The following DGCR8 variants were observed in gnomAD, a reference collection of about 807,000 sequenced individuals.
The protein encoded by DGCR8 is DGCR8 microprocessor complex subunit.
In DGCR8, 14 loss-of-function variants were observed where a neutral mutation model predicts 78.5. That is an observed-to-expected ratio of 0.18 (90% CI 0.12 to 0.28). The LOEUF (loss-of-function observed/expected upper bound fraction) is 0.28, where lower values mean the gene tolerates loss of function less well. Ranked by LOEUF, DGCR8 falls within the 10% of genes least tolerant of loss-of-function variation. The pLI, the probability that DGCR8 is intolerant of heterozygous loss-of-function variation, is 1.00. For synonymous variants in DGCR8, 399 were observed against 402.4 expected, an observed-to-expected ratio of 0.99 and a Z score of 0.10; for missense variants, 702 against 1,022.5, an observed-to-expected ratio of 0.69 and a Z score of 4.28.
At chr22:20,096,093 C>G (rs942377534) in intron 9 of DGCR8, among the ~76,000 whole-genome samples, 64 of 152,112 alleles carry the variant, frequency 4.2e-4, no homozygotes, top group Non-Finnish European at 7.1e-4. Context: ...CTATGCAGCC[C>G]GGTTCCTAAC....
chr22:20,107,079 A>G (rs1046489326), intron 11 of DGCR8, 192 bp from the exon 12 acceptor site: 2 of 628,684 alleles, frequency 3.2e-6, no homozygotes, highest in Non-Finnish European at 5.6e-6. Flanking sequence ...TCTGAGGGCC[A>G]CTCTCTCAAG....
At chr22:20,090,615 G>C (rs142961654) in intron 5 of DGCR8, among the ~76,000 whole-genome samples, 2 of 152,320 alleles carry the variant, frequency 1.3e-5, no homozygotes, top group East Asian at 3.9e-4. Flanking sequence ...GATTTGTCTT[G>C]ATGAGCTCAG....
In DGCR8 at chr22:20,080,241, C is replaced by T. The variant is rs2049400941; in HGVS notation, c.-420C>T. 1 of 965,446 alleles carries T rather than the reference C, an allele frequency of 1.0e-6. No individual in the cohort carries two copies. Among genetic ancestry groups the T allele is most frequent in the Non-Finnish European group, 1.2e-6 (1 of 813,904 alleles). 59.8% of individuals were successfully genotyped at this position (965,446 alleles called of 1,614,324 possible). A position where few individuals can be genotyped will look rare whatever the true frequency, so the allele number is the denominator to read the frequency against. Reference sequence around the variant, plus strand: ...TGGCCGCACGCCGCGAAGGCCCGCCCTCCGCTCGCCCGGCGCGGCAGGCGG... The same window carrying T: ...TGGCCGCACGCCGCGAAGGCCCGCCTTCCGCTCGCCCGGCGCGGCAGGCGG... On this transcript the variant is annotated 5_prime_UTR_variant, in exon 1 of 14. Transcript: ENST00000351989.
chr22:20,081,054 G>C lies in DGCR8; in HGVS notation c.-278+671G>C, dbSNP rs75239606. 5.9e-3 allele frequency among the ~76,000 whole-genome samples: 906 copies of C among 152,336 alleles called. 11 individuals carry two copies. The highest frequency in any genetic ancestry group is 0.02 in the African/African-American group (811 of 41,570). On this transcript the variant is annotated intron_variant, in intron 1 of 13. Coordinates refer to ENST00000351989, the MANE Select transcript of DGCR8 (RefSeq NM_022720.7). ...GTTTCCTGGCCAGACTAGACTCCCA[G>C]CTGTGGGAGTGGCCCAAACCCTGCT... is the stretch of plus-strand genomic sequence containing the variant.
chr22:20,100,501 G>A (rs937947114), intron 9 of DGCR8: 1 of 985,292 alleles, frequency 1.0e-6, no homozygotes, highest in Non-Finnish European at 1.2e-6. Context: ...AGACGATGGT[G>A]CCTGAGTTGT....
chr22:20,093,666 A>G (rs1359477246), intron 8 of DGCR8, among the ~76,000 whole-genome samples: 1 of 152,188 alleles, frequency 6.6e-6, no homozygotes, highest in Non-Finnish European at 1.5e-5. Context: ...CTCCCACTCC[A>G]TGTTTGGGCC....
chr22:20,110,467 CAT>C lies in DGCR8; in HGVS notation c.*360_*361del, dbSNP rs2049825991. On this transcript the variant is annotated 3_prime_UTR_variant, in exon 14 of 14. Transcript: ENST00000351989. ...TAGTATGTAATACGCACTGACGACA[CAT>C]GATGCTTGGATGACAGATGAGAGGG... The C allele has an allele frequency of 1.0e-5, 2 of 195,308 alleles. No individual in the cohort carries two copies. The highest frequency in any genetic ancestry group is 5.9e-5 in the Admixed American group (1 of 16,860). 12.1% of individuals were successfully genotyped at this position (195,308 alleles called of 1,614,324 possible). A position where few individuals can be genotyped will look rare whatever the true frequency, so the allele number is the denominator to read the frequency against.
chr22:20,088,715 G>A (rs932417418), intron 3 of DGCR8, among the ~76,000 whole-genome samples: 1 of 152,212 alleles, frequency 6.6e-6, no homozygotes, highest in Non-Finnish European at 1.5e-5. Flanking sequence ...CAGGGTCAGG[G>A]CCACTTGGTG....
intron 1 of DGCR8, 185 bp downstream of exon 1, chr22:20,080,568 C>G: frequency 5.1e-6 from 4 of 786,318 alleles, no homozygotes; most frequent in Non-Finnish European, 6.2e-6. Context: ...GGGACGCCTC[C>G]GGGGCTGGGG....
intron 9 of DGCR8, among the ~76,000 whole-genome samples, chr22:20,105,241 A>C (rs2049755802): frequency 6.6e-6 from 1 of 152,238 alleles, no homozygotes. Flanking sequence ...ATGCTGCCAT[A>C]GCCAAGGGAT....
rs572659290 is a variant in DGCR8, at chr22:20,107,177, G to A, written c.1997-94G>A. ...GTAGAATGTGCCCTGGCTGGCCCTC[G>A]GGGTGTGGGTCAGGAGGGCTGGGAG... On this transcript the variant is annotated intron_variant, in intron 11 of 13. Coordinates refer to ENST00000351989, the MANE Select transcript of DGCR8 (RefSeq NM_022720.7). 1.4e-4 allele frequency: 202 copies of A among 1,457,760 alleles called. No individual in the cohort carries two copies. In the Middle Eastern group the frequency reaches 1.4e-3, roughly 10 times the overall value. 90.3% of individuals were successfully genotyped at this position (1,457,760 alleles called of 1,614,324 possible).
At chr22:20,109,129 A>T (rs2049805163) in intron 13 of DGCR8, 126 bp downstream of exon 13, 2 of 612,946 alleles carry the variant, frequency 3.3e-6, no homozygotes, top group African/African-American at 3.7e-5. Flanking sequence ...CCTCCTTCCA[A>T]AATCAGATAC....
intron 8 of DGCR8, 45 bp downstream of exon 8, chr22:20,092,952 G>T: frequency 6.6e-7 from 1 of 1,516,610 alleles, no homozygotes; most frequent in Non-Finnish European, 9.1e-7. Flanking sequence ...TGCCTGCTGT[G>T]TCTGCCTCGC....
rs1602498660 is a variant in DGCR8 at position 20,108,544 on chromosome 22, G to A, written c.2125-346G>A. The A allele has an allele frequency of 1.1e-5, 3 of 267,588 alleles. No individual in the cohort carries two copies. In the South Asian group the frequency reaches 1.2e-4, roughly 11 times the overall value. 16.6% of individuals were successfully genotyped at this position (267,588 alleles called of 1,614,324 possible). Reference sequence around the variant, plus strand: ...GGGCTGCAGCGTGCTGTTCTTACTGGCTATGGCCACACTCTGGTTTCACTC... The same window carrying A: ...GGGCTGCAGCGTGCTGTTCTTACTGACTATGGCCACACTCTGGTTTCACTC... On this transcript the variant is annotated intron_variant, in intron 12 of 13. Transcript: ENST00000351989.
At chr22:20,106,125 A>G in intron 9 of DGCR8, 52 bp from the exon 10 acceptor site, 2 of 1,510,550 alleles carry the variant, frequency 1.3e-6, no homozygotes, top group East Asian at 2.3e-5. Context: ...CCCAGCCATG[A>G]AGAGGCCGGT....
intron 8 of DGCR8, among the ~76,000 whole-genome samples, chr22:20,094,329 T>C (rs1640297): frequency 0.45 from 68,400 of 152,112 alleles, 15,865 homozygotes; most frequent in Middle Eastern, 0.58. Flanking sequence ...CAGCCACTGC[T>C]GCTGCCACCT....
At chr22:20,105,217 T>A (rs1332587213) in intron 9 of DGCR8, among the ~76,000 whole-genome samples, 3 of 152,190 alleles carry the variant, frequency 2.0e-5, no homozygotes, top group African/African-American at 7.2e-5. Flanking sequence ...GTAGTCCATA[T>A]GAAAATCGGA....
intron 8 of DGCR8, 47 bp downstream of exon 8, chr22:20,092,954 C>T (rs764754962): frequency 6.7e-7 from 1 of 1,494,000 alleles, no homozygotes; most frequent in Non-Finnish European, 9.3e-7. Context: ...CCTGCTGTGT[C>T]TGCCTCGCTG....
At chr22:20,094,348 T>C (rs1014323074) in intron 8 of DGCR8, among the ~76,000 whole-genome samples, 2 of 152,212 alleles carry the variant, frequency 1.3e-5, no homozygotes, top group Admixed American at 1.3e-4. Flanking sequence ...CTGGTCTAGG[T>C]ACCTGCAGTA....
Sources: allele counts gnomAD v4.1 joint callset (sites outside exome capture counted in the v4.1 genomes callset), GRCh38; gene constraint gnomAD v4.1.1; transcripts MANE v1.5; gene names NCBI Gene and HGNC (gene_info 2026-07-23, HGNC 2026-07-21).